KLHL29: variants seen among roughly 807,000 people sequenced by gnomAD.
The protein encoded by KLHL29 is kelch-like protein 29.
In KLHL29, 21 loss-of-function variants were observed where a neutral mutation model predicts 80.4. That is an observed-to-expected ratio of 0.26 (90% CI 0.19 to 0.38). KLHL29 has a LOEUF of 0.38. KLHL29 is among the 10% of genes least tolerant of loss of function. The pLI, the probability that KLHL29 is intolerant of heterozygous loss-of-function variation, is 1.00. For synonymous variants in KLHL29, 511 were observed against 526.8 expected, an observed-to-expected ratio of 0.97 and a Z score of 0.41; for missense variants, 867 against 1,223.9, an observed-to-expected ratio of 0.71 and a Z score of 4.35.
intron 1 of KLHL29, among the ~76,000 whole-genome samples, chr2:23,422,761 C>T (rs1399946684): frequency 6.7e-6 from 1 of 148,472 alleles, no homozygotes; most frequent in Non-Finnish European, 1.5e-5. Context: ...GTCTGTGTCT[C>T]TGTGTGTTGT....
At chr2:23,606,481 A>G (rs1294140887) in intron 3 of KLHL29, among the ~76,000 whole-genome samples, 1 of 152,178 alleles carries the variant, frequency 6.6e-6, no homozygotes, top group Non-Finnish European at 1.5e-5. Flanking sequence ...GGGGTTAGGC[A>G]CTGCCTCAAA....
chr2:23,606,201 G>A (rs182663314), intron 3 of KLHL29, among the ~76,000 whole-genome samples: 22 of 93,004 alleles, frequency 2.4e-4, no homozygotes, highest in Admixed American at 8.4e-4. Flanking sequence ...AGAGAGAGAG[G>A]GAGAGAGAGA....
At chr2:23,428,638 A>G (rs1663070279) in intron 1 of KLHL29, among the ~76,000 whole-genome samples, 2 of 152,228 alleles carry the variant, frequency 1.3e-5, no homozygotes, top group South Asian at 4.1e-4. Flanking sequence ...ATGTTATATG[A>G]TTGATACTCA....
chr2:23,551,304 A>G (rs1028212951), intron 2 of KLHL29, among the ~76,000 whole-genome samples: 3 of 152,222 alleles, frequency 2.0e-5, no homozygotes, highest in Non-Finnish European at 4.4e-5. Flanking sequence ...TGCCTAGTCA[A>G]TTAGTCCCAC....
intron 1 of KLHL29, among the ~76,000 whole-genome samples, chr2:23,393,496 T>A (rs990632773): frequency 6.6e-6 from 1 of 152,218 alleles, no homozygotes; most frequent in African/African-American, 2.4e-5. Context: ...TTGTGGGTTG[T>A]TGTCTCTGCT....
intron 3 of KLHL29, among the ~76,000 whole-genome samples, chr2:23,613,271 T>C (rs1251068427): frequency 6.6e-6 from 1 of 152,150 alleles, no homozygotes; most frequent in East Asian, 1.9e-4. Context: ...GACAAAGCTT[T>C]TCAGACTGAA....
chr2:23,603,677 G>A lies in KLHL29; in HGVS notation c.286-35462G>A, dbSNP rs114918499. ...GGAGCCCAGGAAAGCCGTAAACACT[G>A]TGAGTCCACATCCCAGCCCTTCCCT... On this transcript the variant is annotated intron_variant, in intron 3 of 13. Coordinates refer to ENST00000486442, the MANE Select transcript of KLHL29 (RefSeq NM_052920.2). Among the ~76,000 whole-genome samples the A allele has an allele frequency of 7.4e-3, 1,127 of 152,344 alleles. 15 individuals are homozygous for A. Among genetic ancestry groups the A allele is most frequent in the African/African-American group, 0.026 (1,084 of 41,574 alleles).
chr2:23,646,978 T>C (rs1669952635), intron 5 of KLHL29, among the ~76,000 whole-genome samples: 1 of 152,212 alleles, frequency 6.6e-6, no homozygotes, highest in African/African-American at 2.4e-5. Context: ...CTATTGCCTC[T>C]GGTCCAGGGT....
intron 1 of KLHL29, among the ~76,000 whole-genome samples, chr2:23,441,543 A>G (rs1465343855): frequency 6.6e-6 from 1 of 152,180 alleles, no homozygotes; most frequent in Non-Finnish European, 1.5e-5. Flanking sequence ...GTAACCTAAA[A>G]GAACAACATT....
intron 5 of KLHL29, chr2:23,670,415 G>A (rs80113961): frequency 0.032 from 4,942 of 152,322 alleles, 117 homozygotes; most frequent in Non-Finnish European, 0.05. Context: ...ATGGGCAGGG[G>A]GGTGTGCTGG....
rs1183336036 is a variant in KLHL29 at position 23,706,853 on chromosome 2, CACCGCGCTTGGAGCCGCAGGA to C, written c.*193_*213del. The C allele has an allele frequency of 5.8e-6, 3 of 520,394 alleles. No homozygotes were observed. The highest frequency in any genetic ancestry group is 9.7e-6 in the Non-Finnish European group (3 of 310,394). The allele number at this position is 520,394 out of a possible 1,614,324, so 32.2% of individuals were successfully genotyped here. On this transcript the variant is annotated 3_prime_UTR_variant, in exon 14 of 14. Coordinates refer to ENST00000486442, the MANE Select transcript of KLHL29 (RefSeq NM_052920.2). ...TCCTCGCCTTTGGATGAAACGGAGG[CACCGCGCTTGGAGCCGCAGGA>C]ACCACGATCCCGCCATGGGGCTGGC...
chr2:23,479,480 G>T (rs918700923), intron 2 of KLHL29, among the ~76,000 whole-genome samples: 1 of 151,932 alleles, frequency 6.6e-6, no homozygotes, highest in African/African-American at 2.4e-5. Flanking sequence ...CAGCTCCACC[G>T]CCTCCTCCTG....
chr2:23,632,556 C>T (rs1669495902), intron 3 of KLHL29, among the ~76,000 whole-genome samples: 1 of 152,266 alleles, frequency 6.6e-6, no homozygotes, highest in African/African-American at 2.4e-5. Flanking sequence ...TGATGCCCCC[C>T]TCCTGGAGCT....
chr2:23,585,922 A>G (rs964513989), intron 3 of KLHL29, among the ~76,000 whole-genome samples: 4 of 152,296 alleles, frequency 2.6e-5, no homozygotes, highest in South Asian at 2.1e-4. Context: ...TCAGGAGGAT[A>G]TGCTGTTGGG....
At chr2:23,641,551 T>C (rs1421285701) in intron 4 of KLHL29, among the ~76,000 whole-genome samples, 1 of 129,142 alleles carries the variant, frequency 7.7e-6, no homozygotes, top group Admixed American at 7.4e-5. Flanking sequence ...CCAGCATTTA[T>C]AGGGCATTCA....
intron 5 of KLHL29, among the ~76,000 whole-genome samples, chr2:23,674,125 G>T (rs1356113949): frequency 6.6e-6 from 1 of 152,156 alleles, no homozygotes; most frequent in Non-Finnish European, 1.5e-5. Context: ...GCCCCGGTCA[G>T]ACTCCTCTCA....
intron 2 of KLHL29, among the ~76,000 whole-genome samples, chr2:23,495,781 C>G (rs2103451173): frequency 1.3e-5 from 2 of 152,340 alleles, no homozygotes; most frequent in Middle Eastern, 6.8e-3. Context: ...CTTGTTGGCA[C>G]TGGGAGAGTC....
In KLHL29 at chr2:23,596,809, A is replaced by G. The variant is rs187170648; in HGVS notation, c.285+34328A>G. On this transcript the variant is annotated intron_variant, in intron 3 of 13. Coordinates refer to ENST00000486442, the MANE Select transcript of KLHL29 (RefSeq NM_052920.2). The surrounding 1 kb of genome is among the most constrained non-coding windows in gnomAD (Gnocchi z 4.4). ...GGTTCCCCCAGGAGGACATAAATAA[A>G]TAAGGGATTCCTGGTACATACTTTA... 6.6e-6 allele frequency among the ~76,000 whole-genome samples: 1 copy of G among 152,308 alleles called. No homozygotes were observed. Among genetic ancestry groups the G allele is most frequent in the African/African-American group, 2.4e-5 (1 of 41,566 alleles).
chr2:23,536,931 C>G (rs1193313959), intron 2 of KLHL29, among the ~76,000 whole-genome samples: 1 of 146,734 alleles, frequency 6.8e-6, no homozygotes. Context: ...CTCTCTCTCC[C>G]TCTCTCGCTC....
Sources: allele counts gnomAD v4.1 joint callset (sites outside exome capture counted in the v4.1 genomes callset), GRCh38; gene constraint gnomAD v4.1.1; non-coding constraint Gnocchi (gnomAD v3.1); transcripts MANE v1.5; gene names NCBI Gene and HGNC (gene_info 2026-07-23, HGNC 2026-07-21).